The following AZIN2 variants were observed in gnomAD, a reference collection of about 807,000 sequenced individuals.
The protein encoded by AZIN2 is ODC antizyme inhibitor-2.
In AZIN2, 28 loss-of-function variants were observed where a neutral mutation model predicts 47.8. That is an observed-to-expected ratio of 0.59 (90% CI 0.43 to 0.80). The LOEUF is 0.80. Among genes scored for constraint, AZIN2 ranks in the 30% least tolerant of loss-of-function variants. The pLI is 0.00. For synonymous variants in AZIN2, 221 were observed against 239.4 expected, an observed-to-expected ratio of 0.92 and a Z score of 0.71; for missense variants, 535 against 582.5, an observed-to-expected ratio of 0.92 and a Z score of 0.84.
chr1:33,158,257 G>A, the AZIN2 span: 1 of 1,613,748 alleles, frequency 6.2e-7, no homozygotes, highest in Admixed American at 1.7e-5. Flanking sequence ...CCTTACCTGG[G>A]TGGATGTCCT....
chr1:33,131,494 G>T, the AZIN2 span, among the ~76,000 whole-genome samples: 10 of 152,158 alleles, frequency 6.6e-5, no homozygotes, highest in African/African-American at 2.2e-4. Flanking sequence ...TGTGTTATAA[G>T]TGTAAAATAC....
downstream of AZIN2, among the ~76,000 whole-genome samples, chr1:33,127,867 G>A (rs1429981454): frequency 6.6e-6 from 1 of 152,008 alleles, no homozygotes; most frequent in African/African-American, 2.4e-5. Context: ...GCCTTCACTC[G>A]CATTATTCAA....
rs535419602 is a variant in AZIN2, at chr1:33,106,184, T to C, written c.1029+8005T>C. On this transcript the variant is annotated intron_variant, in intron 10 of 11. Coordinates refer to ENST00000294517, the MANE Select transcript of AZIN2 (RefSeq NM_052998.4). ...GATAACCTAGGCAAAATGGATAAAT[T>C]CCTAGACAAATATTACCTACAAAGA... 8.5e-5 allele frequency among the ~76,000 whole-genome samples: 13 copies of C among 152,104 alleles called. No homozygotes were observed. In the East Asian group the frequency reaches 1.7e-3, roughly 20 times the overall value.
chr1:33,137,245 C>T, the AZIN2 span, among the ~76,000 whole-genome samples: 1 of 152,288 alleles, frequency 6.6e-6, no homozygotes, highest in Admixed American at 6.5e-5. Context: ...GGGAGTCACA[C>T]AGCCCTGGGT....
At chr1:33,132,167 G>C in the AZIN2 span, among the ~76,000 whole-genome samples, 3 of 152,170 alleles carry the variant, frequency 2.0e-5, no homozygotes, top group Non-Finnish European at 2.9e-5. Context: ...GCTATGGGAA[G>C]AACGCACTGT....
At chr1:33,091,295 A>C (rs1642519652) in intron 5 of AZIN2, among the ~76,000 whole-genome samples, 1 of 152,214 alleles carries the variant, frequency 6.6e-6, no homozygotes. Flanking sequence ...GCTAGAGTGC[A>C]GTGATGTGAT....
intron 11 of AZIN2, 58 bp from the exon 12 acceptor site, chr1:33,119,986 G>A: frequency 1.2e-6 from 2 of 1,608,012 alleles, no homozygotes; most frequent in South Asian, 1.1e-5. Context: ...GCGTCTCCAG[G>A]TACAGGGCCC....
chr1:33,123,552 T>C (rs578259280), downstream of AZIN2, among the ~76,000 whole-genome samples: 3 of 152,334 alleles, frequency 2.0e-5, no homozygotes, highest in Admixed American at 2.0e-4. Context: ...CAGAGGGTTA[T>C]TGTGAAGATT....
At chr1:33,162,196 C>T in the AZIN2 span, among the ~76,000 whole-genome samples, 7 of 152,290 alleles carry the variant, frequency 4.6e-5, no homozygotes, top group East Asian at 3.9e-4. Flanking sequence ...CTCCTTGACA[C>T]ATAGTAAAAT....
chr1:33,150,243 C>T, the AZIN2 span, among the ~76,000 whole-genome samples: 1 of 152,204 alleles, frequency 6.6e-6, no homozygotes, highest in African/African-American at 2.4e-5. Context: ...CTCTCTGGCT[C>T]TTTCCTTTAC....
At chr1:33,162,913 G>A in the AZIN2 span, 1 of 152,316 alleles carries the variant, frequency 6.6e-6, no homozygotes, top group Admixed American at 6.5e-5. Flanking sequence ...TTTTCTAGCT[G>A]TGGGACTTCA....
chr1:33,109,794 C>G (rs372979644), intron 10 of AZIN2, among the ~76,000 whole-genome samples: 17 of 152,052 alleles, frequency 1.1e-4, no homozygotes, highest in East Asian at 7.7e-4. Flanking sequence ...TTGCCTCCCC[C>G]CTGCTAAACT....
In AZIN2 at chr1:33,103,696, C is replaced by T. The variant is rs59119860; in HGVS notation, c.1029+5517C>T. On this transcript the variant is annotated intron_variant, in intron 10 of 11. Transcript: ENST00000294517. ...TGTCCAGTTAGTTTCCTCTGAGTTCCCAGCACCAGACACAGTGCCTGGCAT... is the reference window on the plus strand; with the variant it reads ...TGTCCAGTTAGTTTCCTCTGAGTTCTCAGCACCAGACACAGTGCCTGGCAT... Among the ~76,000 whole-genome samples, 912 of 152,212 alleles carry T rather than the reference C, an allele frequency of 6.0e-3. 16 individuals carry two copies. Among genetic ancestry groups the T allele is most frequent in the African/African-American group, 0.021 (861 of 41,534 alleles).
the AZIN2 span, among the ~76,000 whole-genome samples, chr1:33,137,939 G>T: frequency 6.6e-6 from 1 of 152,214 alleles, no homozygotes; most frequent in African/African-American, 2.4e-5. Flanking sequence ...TGGCAGCAGA[G>T]CCGAGGAGCT....
chr1:33,152,676 A>T, the AZIN2 span, among the ~76,000 whole-genome samples: 1 of 152,198 alleles, frequency 6.6e-6, no homozygotes, highest in Non-Finnish European at 1.5e-5. Context: ...CAGGATCATT[A>T]TTACAAACAA....
At chr1:33,124,569 G>A (rs952136265), downstream of AZIN2, among the ~76,000 whole-genome samples, 2 of 151,906 alleles carry the variant, frequency 1.3e-5, no homozygotes, top group African/African-American at 2.4e-5. This position sits in a 1 kb window ranked among gnomAD's most constrained non-coding sequence, Gnocchi z 4.6. Flanking sequence ...TGTGCACAAC[G>A]TGCAGGTTTG....
intron 10 of AZIN2, among the ~76,000 whole-genome samples, chr1:33,106,434 C>A (rs1373326020): frequency 6.6e-6 from 1 of 152,106 alleles, no homozygotes; most frequent in African/African-American, 2.4e-5. Flanking sequence ...CCACAATTAC[C>A]TTAACACCAA....
downstream of AZIN2, among the ~76,000 whole-genome samples, chr1:33,125,130 T>C (rs560379611): frequency 2.6e-5 from 4 of 152,356 alleles, no homozygotes; most frequent in East Asian, 7.7e-4. Flanking sequence ...GGTGGCTCTC[T>C]GGGTGGGAGT....
the AZIN2 span, among the ~76,000 whole-genome samples, chr1:33,161,144 T>G: frequency 3.8e-4 from 58 of 152,330 alleles, no homozygotes; most frequent in Non-Finnish European, 7.5e-4. This position sits in a 1 kb window ranked among gnomAD's most constrained non-coding sequence, Gnocchi z 4.3. Flanking sequence ...GGGGTGTTGT[T>G]GTGCGCACTC....
Sources: allele counts gnomAD v4.1 joint callset (sites outside exome capture counted in the v4.1 genomes callset), GRCh38; gene constraint gnomAD v4.1.1; non-coding constraint Gnocchi (gnomAD v3.1); transcripts MANE v1.5; gene names NCBI Gene and HGNC (gene_info 2026-07-23, HGNC 2026-07-21).